Variants in IFT43 observed in about 807,000 individuals in gnomAD.
The protein encoded by IFT43 is intraflagellar transport 43, also known as intraflagellar transport protein 43 homolog.
In IFT43, 33 loss-of-function variants were observed where a neutral mutation model predicts 32.3. The ratio of observed to expected loss-of-function variants is 1.02; its 90% CI spans 0.77 to 1.37. IFT43 has a LOEUF of 1.37. Ranked by LOEUF, IFT43 falls within the 40% of genes most tolerant of loss-of-function variation. The probability of loss-of-function intolerance (pLI) is 0.00; values close to 1 mark genes in which losing one functional copy is unlikely to be tolerated. For synonymous variants in IFT43, 93 were observed against 98.2 expected, an observed-to-expected ratio of 0.95 and a Z score of 0.31; for missense variants, 274 against 265.9, an observed-to-expected ratio of 1.03 and a Z score of -0.21.
At chr14:76,073,067 G>A (rs960507639) in intron 5 of IFT43, among the ~76,000 whole-genome samples, 4 of 152,122 alleles carry the variant, frequency 2.6e-5, no homozygotes, top group Admixed American at 2.6e-4. Flanking sequence ...AAGAAAGAGA[G>A]GCTCAGTATT....
intron 2 of IFT43, among the ~76,000 whole-genome samples, chr14:75,995,937 C>A (rs2035736586): frequency 6.6e-6 from 1 of 152,178 alleles, no homozygotes; most frequent in Admixed American, 6.5e-5. Flanking sequence ...GCTGACCCAT[C>A]CCTGGGGCCG....
At chr14:75,986,332 G>GTTA in intron 1 of IFT43, 1 of 1,199,286 alleles carries the variant, frequency 8.3e-7, no homozygotes, top group Non-Finnish European at 1.1e-6. Context: ...GGAGGTGGGA[G>GTTA]TTAACCTCAG....
intron 2 of IFT43, among the ~76,000 whole-genome samples, chr14:76,000,766 GAGA>G (rs1424431687): frequency 1.3e-5 from 2 of 152,212 alleles, no homozygotes; most frequent in African/African-American, 4.8e-5. Flanking sequence ...GGAAGTGGGA[GAGA>G]AGGAGAGTCT....
intron 5 of IFT43, among the ~76,000 whole-genome samples, chr14:76,063,546 G>T (rs1421184472): frequency 2.0e-5 from 3 of 152,200 alleles, no homozygotes; most frequent in Non-Finnish European, 4.4e-5. Flanking sequence ...GTGACCCAGG[G>T]CTTACTTTAT....
intron 2 of IFT43, among the ~76,000 whole-genome samples, chr14:76,006,949 C>T: frequency 6.6e-6 from 1 of 151,072 alleles, no homozygotes; most frequent in East Asian, 1.9e-4. Context: ...CCTCTATCTC[C>T]TAGGTTCAAG....
At chr14:76,031,355 T>A (rs1020626442) in intron 3 of IFT43, among the ~76,000 whole-genome samples, 1 of 152,214 alleles carries the variant, frequency 6.6e-6, no homozygotes, top group African/African-American at 2.4e-5. Context: ...ACCTTTATCG[T>A]ATTCTAAATC....
intron 3 of IFT43, among the ~76,000 whole-genome samples, chr14:76,043,036 G>A (rs1374813847): frequency 6.6e-6 from 1 of 152,136 alleles, no homozygotes; most frequent in Admixed American, 6.5e-5. Context: ...TGGGATGAGA[G>A]GAAGAGAGGT....
intron 2 of IFT43, among the ~76,000 whole-genome samples, chr14:75,992,479 A>G (rs1177611241): frequency 6.6e-6 from 1 of 150,478 alleles, no homozygotes; most frequent in Non-Finnish European, 1.5e-5. Context: ...TGATTTGGAA[A>G]TCTGTTCACA....
At chr14:76,022,443 G>C in intron 3 of IFT43, 49 bp downstream of exon 3, 1 of 1,085,290 alleles carries the variant, frequency 9.2e-7, no homozygotes, top group Non-Finnish European at 1.4e-6. Flanking sequence ...CACACGGTTG[G>C]GGGGACTTTG....
At chr14:76,022,217 C>CT in intron 2 of IFT43, 110 bp from the exon 3 acceptor site, 1 of 1,015,630 alleles carries the variant, frequency 9.8e-7, no homozygotes, top group Non-Finnish European at 1.5e-6. Context: ...CACCACTGCA[C>CT]TCCAGCCTGG....
At chr14:76,000,262 C>CT (rs35001298) in intron 2 of IFT43, among the ~76,000 whole-genome samples, 2,208 of 115,526 alleles carry the variant, frequency 0.019, 47 homozygotes, top group Non-Finnish European at 0.026. Flanking sequence ...TAACTGGCTT[C>CT]TTTTTTTTTT....
intron 3 of IFT43, among the ~76,000 whole-genome samples, chr14:76,032,540 C>G (rs1254265013): frequency 6.6e-6 from 1 of 152,168 alleles, no homozygotes; most frequent in Non-Finnish European, 1.5e-5. Flanking sequence ...CCTGACATAT[C>G]CACATGCATG....
intron 3 of IFT43, among the ~76,000 whole-genome samples, chr14:76,023,954 T>G (rs2036341977): frequency 6.6e-6 from 1 of 152,202 alleles, no homozygotes; most frequent in Non-Finnish European, 1.5e-5. Context: ...GATTCTTAGT[T>G]TCTGTTTCTG....
At chr14:76,050,298 G>A (rs1430799364) in intron 3 of IFT43, among the ~76,000 whole-genome samples, 2 of 152,170 alleles carry the variant, frequency 1.3e-5, no homozygotes, top group African/African-American at 2.4e-5. Context: ...CCAGCACTGC[G>A]TCCACTGGCT....
At chr14:76,011,911 G>A (rs2036093373) in intron 2 of IFT43, among the ~76,000 whole-genome samples, 1 of 152,130 alleles carries the variant, frequency 6.6e-6, no homozygotes, top group African/African-American at 2.4e-5. Flanking sequence ...TGCACATACC[G>A]TATTACTATC....
At chr14:76,035,174 C>G (rs959739943) in intron 3 of IFT43, among the ~76,000 whole-genome samples, 1 of 152,190 alleles carries the variant, frequency 6.6e-6, no homozygotes, top group Non-Finnish European at 1.5e-5. Context: ...GTCCATCTAT[C>G]ACTCCTAATT....
intron 2 of IFT43, among the ~76,000 whole-genome samples, chr14:75,990,785 G>A (rs190872315): frequency 5.6e-4 from 85 of 152,274 alleles, no homozygotes; most frequent in Non-Finnish European, 1.1e-3. Context: ...AAACGCGGAA[G>A]CAAATGACTG....
chr14:76,028,047 G>C (rs1350093902), intron 3 of IFT43, among the ~76,000 whole-genome samples: 1 of 151,998 alleles, frequency 6.6e-6, no homozygotes, highest in African/African-American at 2.4e-5. Flanking sequence ...TTCATGATAA[G>C]ATTCAAGTTA....
At position 75,999,281 on chromosome 14, in the gene IFT43, A is replaced by ATTTTTTT. The variant is rs371670856; in HGVS notation, c.147+10317_147+10323dup. On this transcript the variant is annotated intron_variant, in intron 2 of 8. Coordinates refer to ENST00000314067, the MANE Select transcript of IFT43 (RefSeq NM_001102564.3). ...TATATATATATATATATGTATATAT[A>ATTTTTTT]TTTTTTTTTTTTTTTTTTTAATTTT... is the stretch of plus-strand genomic sequence containing the variant. Among the ~76,000 whole-genome samples the ATTTTTTT allele has an allele frequency of 1.1e-3, 43 of 39,038 alleles. No homozygotes were observed. The Admixed American group carries it at 0.012, about 11-fold the overall frequency. 25.6% of individuals were successfully genotyped at this position (39,038 alleles called of 152,430 possible).
Sources: allele counts gnomAD v4.1 joint callset (sites outside exome capture counted in the v4.1 genomes callset), GRCh38; gene constraint gnomAD v4.1.1; transcripts MANE v1.5; gene names NCBI Gene and HGNC (gene_info 2026-07-23, HGNC 2026-07-21).